PDE10A: variants seen among roughly 807,000 people sequenced by gnomAD.
PDE10A encodes phosphodiesterase 10A, also known as cAMP and cAMP-inhibited cGMP 3',5'-cyclic phosphodiesterase 10A.
Under a neutral mutation model 97.7 loss-of-function variants are expected in PDE10A, and 39 were observed. The observed-to-expected ratio is 0.40, with a 90% CI of 0.31 to 0.52. PDE10A has a LOEUF of 0.52. Among genes scored for constraint, PDE10A ranks in the 20% least tolerant of loss-of-function variants. The pLI is 0.56. For missense variants in PDE10A, 731 were observed against 1,047.8 expected, an observed-to-expected ratio of 0.70 and a Z score of 4.17; for synonymous variants, 371 against 376.8, an observed-to-expected ratio of 0.98 and a Z score of 0.18.
intron 1 of PDE10A, among the ~76,000 whole-genome samples, chr6:165,647,952 C>G (rs959712826): frequency 5.9e-5 from 9 of 152,226 alleles, no homozygotes; most frequent in African/African-American, 2.2e-4. Context: ...TAATTAAGCA[C>G]TCTAGGTTAC....
At chr6:165,885,742 C>T (rs780043257) in intron 1 of PDE10A, among the ~76,000 whole-genome samples, 1 of 152,184 alleles carries the variant, frequency 6.6e-6, no homozygotes, top group Admixed American at 6.5e-5. Flanking sequence ...TTATTGGATG[C>T]CTTTGATACA....
At chr6:165,767,459 C>G (rs6932812) in intron 1 of PDE10A, among the ~76,000 whole-genome samples, 24,876 of 152,170 alleles carry the variant, frequency 0.16, 3,461 homozygotes, top group African/African-American at 0.38. Flanking sequence ...TGCACCCTGT[C>G]CCTGGCAACC....
At chr6:165,692,666 C>T (rs1791333997) in intron 1 of PDE10A, among the ~76,000 whole-genome samples, 1 of 152,208 alleles carries the variant, frequency 6.6e-6, no homozygotes, top group East Asian at 1.9e-4. Flanking sequence ...ATTTTCTCGG[C>T]AGTAACGCAT....
chr6:165,856,074 C>G (rs891371299), intron 1 of PDE10A, among the ~76,000 whole-genome samples: 2 of 152,120 alleles, frequency 1.3e-5, no homozygotes, highest in Admixed American at 6.5e-5. Context: ...GCTGGGGCAT[C>G]GAGGAGTCCC....
intron 1 of PDE10A, among the ~76,000 whole-genome samples, chr6:165,912,303 ACATT>A (rs1782485860): frequency 6.6e-6 from 1 of 152,166 alleles, no homozygotes; most frequent in African/African-American, 2.4e-5. Context: ...GTTATGGTTC[ACATT>A]TGTGAAGGCA....
chr6:165,469,824 T>C (rs1166847615), intron 3 of PDE10A, among the ~76,000 whole-genome samples: 1 of 152,200 alleles, frequency 6.6e-6, no homozygotes, highest in East Asian at 1.9e-4. Flanking sequence ...ATAGGATACC[T>C]GCCTGCACTC....
At chr6:165,917,822 A>T (rs986223166) in intron 1 of PDE10A, among the ~76,000 whole-genome samples, 2 of 152,134 alleles carry the variant, frequency 1.3e-5, no homozygotes, top group South Asian at 4.2e-4. Flanking sequence ...TGCATCCCAG[A>T]GCCCCTCACG....
At chr6:165,380,946 A>G (rs1706121) in intron 17 of PDE10A, among the ~76,000 whole-genome samples, 70,739 of 152,188 alleles carry the variant, frequency 0.46, 17,284 homozygotes, top group African/African-American at 0.62. Context: ...ATGTTTCAGC[A>G]TGTCTGGCTG....
chr6:165,503,614 C>T (rs1446258919), intron 2 of PDE10A, among the ~76,000 whole-genome samples: 1 of 152,134 alleles, frequency 6.6e-6, no homozygotes, highest in Non-Finnish European at 1.5e-5. Context: ...TTCTTCACTA[C>T]TATGATGTTC....
chr6:165,930,329 A>G (rs1783092773), intron 1 of PDE10A, among the ~76,000 whole-genome samples: 1 of 152,220 alleles, frequency 6.6e-6, no homozygotes, highest in South Asian at 2.1e-4. Context: ...AAAAGAAGTT[A>G]GGGACAAGTG....
At chr6:165,939,130 A>C (rs1331913968) in intron 1 of PDE10A, among the ~76,000 whole-genome samples, 3 of 152,248 alleles carry the variant, frequency 2.0e-5, no homozygotes, top group Non-Finnish European at 1.5e-5. Context: ...AAGCCAAGAT[A>C]CAGGAAATAT....
chr6:165,582,463 T>C (rs895604455), intron 1 of PDE10A, among the ~76,000 whole-genome samples: 4 of 152,194 alleles, frequency 2.6e-5, no homozygotes, highest in African/African-American at 7.2e-5. Context: ...TAAGGTACAG[T>C]TGTTCACATC....
At chr6:165,458,217 A>C (rs1362987310) in intron 3 of PDE10A, among the ~76,000 whole-genome samples, 1 of 152,180 alleles carries the variant, frequency 6.6e-6, no homozygotes, top group East Asian at 1.9e-4. Context: ...GAATAGTACA[A>C]GAAACACCTT....
intron 18 of PDE10A, among the ~76,000 whole-genome samples, chr6:165,350,272 G>A (rs890621083): frequency 1.3e-5 from 2 of 152,216 alleles, no homozygotes; most frequent in African/African-American, 4.8e-5. Context: ...GCATGACCTG[G>A]ATGTGAGACA....
At chr6:165,638,231 C>T (rs1028856707) in intron 1 of PDE10A, among the ~76,000 whole-genome samples, 32 of 152,078 alleles carry the variant, frequency 2.1e-4, no homozygotes, top group African/African-American at 7.2e-4. Flanking sequence ...TTCTGTTTGG[C>T]GATGATTCTA....
At chr6:165,706,345 C>T (rs1791708545) in intron 1 of PDE10A, among the ~76,000 whole-genome samples, 1 of 152,078 alleles carries the variant, frequency 6.6e-6, no homozygotes, top group South Asian at 2.1e-4. Flanking sequence ...TCCTAGATAT[C>T]TCAGTATCAG....
intron 1 of PDE10A, among the ~76,000 whole-genome samples, chr6:165,964,615 C>T (rs1784454075): frequency 2.6e-5 from 4 of 152,170 alleles, no homozygotes; most frequent in Admixed American, 2.0e-4. Context: ...CCCTATGTGC[C>T]AGCGAGCGTC....
intron 1 of PDE10A, among the ~76,000 whole-genome samples, chr6:165,860,405 T>C (rs1308496570): frequency 6.6e-6 from 1 of 152,084 alleles, no homozygotes; most frequent in Non-Finnish European, 1.5e-5. Flanking sequence ...TGAGCCGAGA[T>C]CATGCCATTG....
intron 3 of PDE10A, among the ~76,000 whole-genome samples, chr6:165,468,114 T>G (rs1363149425): frequency 6.6e-6 from 1 of 152,234 alleles, no homozygotes; most frequent in Non-Finnish European, 1.5e-5. Context: ...AGTCTCACTC[T>G]GTTGCCTAAG....
Sources: allele counts gnomAD v4.1 joint callset (sites outside exome capture counted in the v4.1 genomes callset), GRCh38; gene constraint gnomAD v4.1.1; transcripts MANE v1.5; gene names NCBI Gene and HGNC (gene_info 2026-07-23, HGNC 2026-07-21).